The following KLHL2 variants were observed in gnomAD, a reference collection of about 807,000 sequenced individuals.
The protein encoded by KLHL2 is kelch like family member 2.
KLHL2 carries 15 observed loss-of-function variants against 75.8 expected under a neutral mutation model. That is an observed-to-expected ratio of 0.20 (90% CI 0.13 to 0.30). The LOEUF (loss-of-function observed/expected upper bound fraction) is 0.30. Among genes scored for constraint, KLHL2 ranks in the 10% least tolerant of loss-of-function variants. The pLI, the probability that KLHL2 is intolerant of heterozygous loss-of-function variation, is 1.00. For synonymous variants in KLHL2, 214 were observed against 251.9 expected (o/e 0.85, Z 1.42); for missense variants, 381 against 741.0 (o/e 0.51, Z 5.64).
intron 2 of KLHL2, among the ~76,000 whole-genome samples, chr4:165,221,276 A>G (rs576187726): frequency 1.6e-4 from 25 of 152,372 alleles, no homozygotes; most frequent in African/African-American, 5.3e-4. Context: ...AGTGTTGCAG[A>G]GGAGGGCTGC....
At chr4:165,284,447 C>T (rs1020164637) in intron 5 of KLHL2, among the ~76,000 whole-genome samples, 3 of 152,178 alleles carry the variant, frequency 2.0e-5, no homozygotes, top group African/African-American at 7.2e-5. Flanking sequence ...CCGCCAGTCT[C>T]TTTGCTAAAA....
At chr4:165,250,809 C>T (rs1373748759) in intron 4 of KLHL2, among the ~76,000 whole-genome samples, 3 of 151,894 alleles carry the variant, frequency 2.0e-5, no homozygotes, top group Non-Finnish European at 2.9e-5. Context: ...ATGACTTTTC[C>T]TTCCCTCTTT....
At chr4:165,228,730 G>A (rs1738651398) in intron 2 of KLHL2, 77 bp from the exon 3 acceptor site, 2 of 836,294 alleles carry the variant, frequency 2.4e-6, no homozygotes, top group Non-Finnish European at 4.0e-6. Flanking sequence ...GGGCTTTACT[G>A]TAATATTTTT....
chr4:165,278,451 C>T, intron 5 of KLHL2: 1 of 1,535,012 alleles, frequency 6.5e-7, no homozygotes, highest in Non-Finnish European at 9.0e-7. Context: ...AAACAAACAG[C>T]TTCTAATGCA....
In KLHL2 at chr4:165,316,837, T is replaced by G. The variant is rs183966222; in HGVS notation, c.1610-989T>G. Among the ~76,000 whole-genome samples, 1,128 of 152,196 alleles carry G rather than the reference T, an allele frequency of 7.4e-3. 11 individuals carry two copies. The highest frequency in any genetic ancestry group is 0.025 in the Admixed American group (386 of 15,282). ...AACTTGAGGAAATGTCCAAGGTAGG[T>G]TGGTTGGCCAGGGTGGGTAAGTTAT... On this transcript the variant is annotated intron_variant, in intron 13 of 14. Transcript: ENST00000226725.
intron 4 of KLHL2, among the ~76,000 whole-genome samples, chr4:165,242,502 T>C (rs1428041369): frequency 1.3e-5 from 2 of 152,144 alleles, no homozygotes; most frequent in Admixed American, 1.3e-4. Flanking sequence ...ATTTTTAAAT[T>C]TTTTTATTTT....
intron 5 of KLHL2, among the ~76,000 whole-genome samples, chr4:165,264,605 T>TATATACACAC (rs757273597): frequency 1.4e-4 from 17 of 124,102 alleles, no homozygotes; most frequent in African/African-American, 5.3e-4. Flanking sequence ...TATATATATA[T>TATATACACAC]ACACACACAC....
At chr4:165,233,249 A>G (rs1175060420) in intron 3 of KLHL2, among the ~76,000 whole-genome samples, 2 of 152,242 alleles carry the variant, frequency 1.3e-5, no homozygotes, top group Non-Finnish European at 2.9e-5. Flanking sequence ...GCCTATTTAG[A>G]GCAAGGCCAA....
At chr4:165,308,022 T>C (rs569626458) in intron 9 of KLHL2, among the ~76,000 whole-genome samples, 1 of 152,326 alleles carries the variant, frequency 6.6e-6, no homozygotes, top group East Asian at 1.9e-4. Flanking sequence ...AAATTTTCTG[T>C]TCTCTTCCAT....
At chr4:165,297,783 C>A in intron 7 of KLHL2, 58 bp downstream of exon 7, 2 of 979,066 alleles carry the variant, frequency 2.0e-6, no homozygotes, top group Non-Finnish European at 3.3e-6. Flanking sequence ...GGCCTGACAG[C>A]ATGTAGATCC....
intron 9 of KLHL2, 83 bp from the exon 10 acceptor site, chr4:165,310,470 A>G: frequency 1.7e-6 from 2 of 1,152,020 alleles, no homozygotes; most frequent in Non-Finnish European, 2.6e-6. Context: ...GACAACAGCT[A>G]TAGATTTATC....
In KLHL2 at chr4:165,319,507, G is replaced by C. The variant is rs1273927359; in HGVS notation, c.1753+1538G>C. Among the ~76,000 whole-genome samples, 2 of 152,036 alleles carry C rather than the reference G, an allele frequency of 1.3e-5. No homozygotes were observed. Among genetic ancestry groups the C allele is most frequent in the Non-Finnish European group, 2.9e-5 (2 of 68,020 alleles). On this transcript the variant is annotated intron_variant, in intron 14 of 14. Coordinates refer to ENST00000226725, the MANE Select transcript of KLHL2 (RefSeq NM_007246.4). This position sits in a 1 kb window ranked among gnomAD's most constrained non-coding sequence, Gnocchi z 4.5. ...TCCAGGGTAGGGATCATTGTAAAAAGGAAAAAGGAAATTCATGAAGCCGTC... is the reference window on the plus strand; with the variant it reads ...TCCAGGGTAGGGATCATTGTAAAAACGAAAAAGGAAATTCATGAAGCCGTC...
chr4:165,320,694 T>C (rs1325148155), intron 14 of KLHL2, among the ~76,000 whole-genome samples: 1 of 152,184 alleles, frequency 6.6e-6, no homozygotes, highest in South Asian at 2.1e-4. Context: ...TAGAAAAAGC[T>C]ATGAAAGTCA....
chr4:165,222,289 C>G (rs1738059468), intron 2 of KLHL2, among the ~76,000 whole-genome samples: 1 of 152,108 alleles, frequency 6.6e-6, no homozygotes, highest in African/African-American at 2.4e-5. Context: ...CATTCTCAGC[C>G]TAGAGATGTT....
rs1190850435 is a variant in KLHL2 at position 165,207,996 on chromosome 4, C to T, written c.26+94C>T. Reference sequence around the variant, plus strand: ...GCGGGCGCAGCTCTGGGGACAGCCGCCGGGGCCGGCGGGAGGTGGGAGATG... The same window carrying T: ...GCGGGCGCAGCTCTGGGGACAGCCGTCGGGGCCGGCGGGAGGTGGGAGATG... On this transcript the variant is annotated intron_variant, in intron 1 of 14. Coordinates refer to ENST00000226725, the MANE Select transcript of KLHL2 (RefSeq NM_007246.4). This position sits in a 1 kb window ranked among gnomAD's most constrained non-coding sequence, Gnocchi z 4.2. 1.6e-5 allele frequency: 15 copies of T among 910,480 alleles called. 1 individual carries two copies. The East Asian group carries it at 5.9e-4, about 36-fold the overall frequency. The allele number at this position is 910,480 out of a possible 1,614,324, so 56.4% of individuals were successfully genotyped here.
At chr4:165,302,779 ATATT>A (rs1745438570) in intron 8 of KLHL2, among the ~76,000 whole-genome samples, 1 of 152,222 alleles carries the variant, frequency 6.6e-6, no homozygotes, top group Non-Finnish European at 1.5e-5. Flanking sequence ...TTTTCAACTA[ATATT>A]TATTTAATAG....
At chr4:165,266,835 A>G (rs1339545649) in intron 5 of KLHL2, among the ~76,000 whole-genome samples, 3 of 152,080 alleles carry the variant, frequency 2.0e-5, no homozygotes, top group African/African-American at 4.8e-5. Flanking sequence ...AATTTAAAGT[A>G]GTTTTTTCCA....
intron 10 of KLHL2, among the ~76,000 whole-genome samples, chr4:165,311,138 G>A (rs1324871704): frequency 6.6e-6 from 1 of 152,024 alleles, no homozygotes; most frequent in Non-Finnish European, 1.5e-5. Context: ...ATTACAACAT[G>A]TGAGGTTTTA....
At chr4:165,318,833 A>G (rs1746767200) in intron 14 of KLHL2, among the ~76,000 whole-genome samples, 1 of 152,208 alleles carries the variant, frequency 6.6e-6, no homozygotes, top group Non-Finnish European at 1.5e-5. Flanking sequence ...AAAAACTCAG[A>G]TGCACTGCAT....
Sources: gnomAD v4.1 joint callset for allele counts (sites outside exome capture counted in the v4.1 genomes callset) on GRCh38, gnomAD v4.1.1 for gene constraint, Gnocchi (gnomAD v3.1) non-coding constraint, MANE v1.5 for transcripts, NCBI Gene and HGNC (gene_info 2026-07-23, HGNC 2026-07-21) for gene names.